SUGT1: variants seen among roughly 807,000 people sequenced by gnomAD.
SUGT1 encodes the protein protein SGT1 homolog.
Under a neutral mutation model 56.1 loss-of-function variants are expected in SUGT1, and 15 were observed. That is an observed-to-expected ratio of 0.27 (90% CI 0.18 to 0.41). The LOEUF is 0.41. Ranked by LOEUF, SUGT1 falls within the 10% of genes least tolerant of loss-of-function variation. The probability of loss-of-function intolerance (pLI) is 1.00; values close to 1 mark genes in which losing one functional copy is unlikely to be tolerated. For missense variants in SUGT1, 347 were observed against 382.2 expected (o/e 0.91, Z 0.77); for synonymous variants, 123 against 128.6 (o/e 0.96, Z 0.30).
rs1963673071 is a variant in SUGT1 at position 52,688,369 on chromosome 13, A to G, written c.*534A>G. 6.6e-6 allele frequency: 1 copy of G among 152,388 alleles called. No individual in the cohort carries two copies. Among genetic ancestry groups the G allele is most frequent in the South Asian group, 2.1e-4 (1 of 4,830 alleles). 9.4% of individuals were successfully genotyped at this position (152,388 alleles called of 1,614,324 possible). A position where few individuals can be genotyped will look rare whatever the true frequency, so the allele number is the denominator to read the frequency against. ...AAATTATCACAGGGAATTCCCATGT[A>G]GTTCTTTTAATGGGAAGAATTTGTA... On this transcript the variant is annotated 3_prime_UTR_variant, in exon 13 of 13. Coordinates refer to ENST00000310528, the MANE Select transcript of SUGT1 (RefSeq NM_006704.5).
chr13:52,675,167 ACAGT>A (rs1192215998), intron 10 of SUGT1, among the ~76,000 whole-genome samples: 1 of 151,612 alleles, frequency 6.6e-6, no homozygotes, highest in East Asian at 1.9e-4. Context: ...TTTCCCCTTC[ACAGT>A]CAGGTGTGCT....
At chr13:52,666,046 C>G (rs188191899) in intron 9 of SUGT1, among the ~76,000 whole-genome samples, 46 of 152,286 alleles carry the variant, frequency 3.0e-4, no homozygotes, top group African/African-American at 1.1e-3. Flanking sequence ...TGTGATCACA[C>G]ATGTCTTAGA....
chr13:52,659,808 ATATATATTTTTTTTTTTTTTTTT>A (rs1426670041), intron 5 of SUGT1, among the ~76,000 whole-genome samples: 6 of 17,998 alleles, frequency 3.3e-4, no homozygotes, highest in African/African-American at 1.1e-3. Context: ...ATATATATAT[ATATATATTTTTTTTTTTTTTTTT>A]TTTTTTTTTT....
intron 12 of SUGT1, among the ~76,000 whole-genome samples, chr13:52,680,719 T>C (rs1285589804): frequency 6.6e-6 from 1 of 152,202 alleles, no homozygotes; most frequent in Non-Finnish European, 1.5e-5. Flanking sequence ...ATATGACTCT[T>C]TTAAGACATA....
chr13:52,664,447 G>A (rs991111992), intron 8 of SUGT1, among the ~76,000 whole-genome samples: 5 of 152,130 alleles, frequency 3.3e-5, no homozygotes, highest in Non-Finnish European at 7.4e-5. Context: ...TTCTGTATGC[G>A]TTGAAAGTTA....
chr13:52,658,311 ACTTAGAAAT>A, intron 3 of SUGT1, 79 bp from the exon 4 acceptor site: 1 of 1,578,082 alleles, frequency 6.3e-7, no homozygotes, highest in East Asian at 2.3e-5. Flanking sequence ...CAACTTGAAA[ACTTAGAAAT>A]CTAAAACTGA....
chr13:52,667,055 CT>C, intron 10 of SUGT1, 136 bp downstream of exon 10: 2 of 606,962 alleles, frequency 3.3e-6, no homozygotes, highest in Non-Finnish European at 5.6e-6. Context: ...AGAATGATAA[CT>C]TTTGAGTATA....
intron 2 of SUGT1, among the ~76,000 whole-genome samples, chr13:52,655,251 G>A (rs887635383): frequency 1.3e-5 from 2 of 152,204 alleles, no homozygotes; most frequent in Non-Finnish European, 2.9e-5. Context: ...GCTGAGGCAG[G>A]AGAATCACTT....
At chr13:52,667,292 A>T (rs1962747883) in intron 10 of SUGT1, among the ~76,000 whole-genome samples, 1 of 152,130 alleles carries the variant, frequency 6.6e-6, no homozygotes, top group African/African-American at 2.4e-5. Context: ...TTGTCACCCT[A>T]CCTCATGCAG....
Position 52,695,159 on chromosome 13 carries a change from G to GT in SUGT1, c.*7324_*7325insT, listed in dbSNP as rs1963891555. 6.6e-6 allele frequency: 1 copy of GT among 152,104 alleles called. No homozygotes were observed. The highest frequency in any genetic ancestry group is 2.1e-4 in the South Asian group (1 of 4,816). 9.4% of individuals were successfully genotyped at this position (152,104 alleles called of 1,614,324 possible). A position where few individuals can be genotyped will look rare whatever the true frequency, so the allele number is the denominator to read the frequency against. ...ATCTGTTTTCTAAACTTTTTCTGTG[G>GT]CTTGAAGTGACTGAAAGTGAACACA... On this transcript the variant is annotated 3_prime_UTR_variant, in exon 13 of 13. Coordinates refer to ENST00000310528, the MANE Select transcript of SUGT1 (RefSeq NM_006704.5).
At chr13:52,681,798 A>G (rs1352059877) in intron 12 of SUGT1, among the ~76,000 whole-genome samples, 1 of 150,904 alleles carries the variant, frequency 6.6e-6, no homozygotes, top group African/African-American at 2.4e-5. Context: ...TCGTGCCACT[A>G]CACTTAGCTT....
chr13:52,687,325 G>A (rs1387272777), intron 12 of SUGT1: 1 of 152,176 alleles, frequency 6.6e-6, no homozygotes, highest in Non-Finnish European at 1.5e-5. Flanking sequence ...GGTACAAGAA[G>A]AGATTATTTT....
intron 8 of SUGT1, 148 bp from the exon 9 acceptor site, chr13:52,665,489 T>A (rs1962657723): frequency 3.6e-6 from 2 of 562,698 alleles, no homozygotes; most frequent in Non-Finnish European, 6.0e-6. Context: ...AAACTAGTTA[T>A]ATAAAGTTGT....
At position 52,687,867 on chromosome 13, in the gene SUGT1, T is replaced by TATTC. The variant is rs1181773973; in HGVS notation, c.*34_*37dup. ...TAATTTGCTCTCATCGTATTGTGTA[T>TATTC]ATTCACCTAATGCCCATTGTGTATT... On this transcript the variant is annotated 3_prime_UTR_variant, in exon 13 of 13. Transcript: ENST00000310528. 7.0e-7 allele frequency: 1 copy of TATTC among 1,436,546 alleles called. No homozygotes were observed. Among genetic ancestry groups the TATTC allele is most frequent in the African/African-American group, 1.4e-5 (1 of 70,180 alleles). 89.0% of individuals were successfully genotyped at this position (1,436,546 alleles called of 1,614,324 possible). A position where few individuals can be genotyped will look rare whatever the true frequency, so the allele number is the denominator to read the frequency against.
chr13:52,667,247 T>C (rs762437474), intron 10 of SUGT1, among the ~76,000 whole-genome samples: 4 of 152,244 alleles, frequency 2.6e-5, no homozygotes, highest in Non-Finnish European at 4.4e-5. Flanking sequence ...TCCCTTGAAC[T>C]TGTCAGTTTT....
chr13:52,663,943 A>G, intron 7 of SUGT1, 92 bp from the exon 8 acceptor site: 9 of 1,229,186 alleles, frequency 7.3e-6, no homozygotes, highest in Non-Finnish European at 1.1e-5. Context: ...TGTTGGGTAA[A>G]TTAATAATAC....
rs1339191160 is a variant in SUGT1 at position 52,695,590 on chromosome 13, G to A, written c.*7755G>A. On this transcript the variant is annotated 3_prime_UTR_variant, in exon 13 of 13. Transcript: ENST00000310528. ...TTTTTTCCCCTCAGTCCTGTTTAGT[G>A]TTGAAATTCTTCAAAGGAGGGTGAG... The A allele has an allele frequency of 6.6e-6, 1 of 152,112 alleles. No individual in the cohort carries two copies. Among genetic ancestry groups the A allele is most frequent in the East Asian group, 1.9e-4 (1 of 5,192 alleles). The allele number at this position is 152,112 out of a possible 1,614,324, so 9.4% of individuals were successfully genotyped here.
In SUGT1 at chr13:52,690,291, A is replaced by C. The variant is rs916149474; in HGVS notation, c.*2456A>C. 1 of 152,128 alleles carries C rather than the reference A, an allele frequency of 6.6e-6. No individual in the cohort carries two copies. The highest frequency in any genetic ancestry group is 2.4e-5 in the African/African-American group (1 of 41,432). The allele number at this position is 152,128 out of a possible 1,614,324, so 9.4% of individuals were successfully genotyped here. A position where few individuals can be genotyped will look rare whatever the true frequency, so the allele number is the denominator to read the frequency against. ...AGCCTCCAGAAAGTTAAAACAAAAAACTTCTTTCTGATTAAGAGCCTCTTA... is the reference window on the plus strand; with the variant it reads ...AGCCTCCAGAAAGTTAAAACAAAAACCTTCTTTCTGATTAAGAGCCTCTTA... On this transcript the variant is annotated 3_prime_UTR_variant, in exon 13 of 13. Transcript: ENST00000310528.
At chr13:52,677,710 CCCGTTGT>C (rs1963205261) in intron 11 of SUGT1, among the ~76,000 whole-genome samples, 1 of 836 alleles carries the variant, frequency 1.2e-3, no homozygotes, top group African/African-American at 3.3e-3. Flanking sequence ...ATTCTGTTAA[CCCGTTGT>C]CTACTTGTTG....
Sources: allele counts gnomAD v4.1 joint callset (sites outside exome capture counted in the v4.1 genomes callset), GRCh38; gene constraint gnomAD v4.1.1; transcripts MANE v1.5; gene names NCBI Gene and HGNC (gene_info 2026-07-23, HGNC 2026-07-21).